CCSER1: variants seen among roughly 807,000 people sequenced by gnomAD.
The protein encoded by CCSER1 is coiled-coil serine rich protein 1, also known as serine-rich coiled-coil domain-containing protein 1.
A neutral mutation model predicts 82.0 loss-of-function variants in CCSER1; 41 were observed. That is an observed-to-expected ratio of 0.50 (90% CI 0.39 to 0.65). The LOEUF (loss-of-function observed/expected upper bound fraction) is 0.65. CCSER1 is among the 30% of genes least tolerant of loss of function. The pLI is 0.00. For missense variants in CCSER1, 1,119 were observed against 1,064.2 expected, an observed-to-expected ratio of 1.05 and a Z score of -0.72; for synonymous variants, 414 against 383.9, an observed-to-expected ratio of 1.08 and a Z score of -0.92.
intron 8 of CCSER1, among the ~76,000 whole-genome samples, chr4:90,863,814 A>G (rs1765391176): frequency 6.6e-6 from 1 of 151,782 alleles, no homozygotes; most frequent in Non-Finnish European, 1.5e-5. Flanking sequence ...GCTTACTCTA[A>G]GTGGCAGCAT....
intron 10 of CCSER1, among the ~76,000 whole-genome samples, chr4:91,500,079 G>C (rs1017521710): frequency 6.6e-6 from 1 of 152,012 alleles, no homozygotes; most frequent in Non-Finnish European, 1.5e-5. Context: ...GTGCCATTTT[G>C]TATTTACACC....
chr4:90,837,574 A>C (rs929967537), intron 8 of CCSER1, among the ~76,000 whole-genome samples: 1 of 152,210 alleles, frequency 6.6e-6, no homozygotes, highest in African/African-American at 2.4e-5. Context: ...GACTGAATAC[A>C]AACAAATAAT....
intron 10 of CCSER1, among the ~76,000 whole-genome samples, chr4:91,105,922 G>A (rs573797344): frequency 6.6e-6 from 1 of 151,630 alleles, no homozygotes; most frequent in South Asian, 2.1e-4. Flanking sequence ...ATGTTTTGCT[G>A]CAGAAACATC....
chr4:90,381,184 A>C (rs772550639), intron 3 of CCSER1, among the ~76,000 whole-genome samples: 1 of 152,246 alleles, frequency 6.6e-6, no homozygotes, highest in Non-Finnish European at 1.5e-5. Context: ...ATCGTGCCCC[A>C]CTACCCACCC....
intron 10 of CCSER1, among the ~76,000 whole-genome samples, chr4:91,467,880 A>AG (rs1757017249): frequency 6.6e-6 from 1 of 152,214 alleles, no homozygotes; most frequent in Non-Finnish European, 1.5e-5. Context: ...GTGGAGAAAT[A>AG]GGAATGCTTT....
chr4:91,592,351 G>A (rs923096146), intron 10 of CCSER1, among the ~76,000 whole-genome samples: 17 of 152,084 alleles, frequency 1.1e-4, no homozygotes, highest in Admixed American at 2.6e-4. Flanking sequence ...CATGACATGT[G>A]GGGATTACGG....
chr4:90,659,731 A>G (rs1395531491), intron 6 of CCSER1, among the ~76,000 whole-genome samples: 1 of 152,102 alleles, frequency 6.6e-6, no homozygotes, highest in Non-Finnish European at 1.5e-5. Flanking sequence ...AAACTTTTAA[A>G]AAGCTGCCTG....
intron 10 of CCSER1, among the ~76,000 whole-genome samples, chr4:91,417,610 A>C (rs759929846): frequency 3.9e-5 from 6 of 152,088 alleles, no homozygotes; most frequent in Admixed American, 6.6e-5. Context: ...CAAACACTGC[A>C]TGTTTTTACT....
chr4:90,682,624 C>T (rs1734092106), intron 6 of CCSER1, among the ~76,000 whole-genome samples: 1 of 151,864 alleles, frequency 6.6e-6, no homozygotes, highest in Non-Finnish European at 1.5e-5. Context: ...TCTCATAACT[C>T]CACTAACCAA....
chr4:90,485,776 C>A (rs1200888162), intron 5 of CCSER1, among the ~76,000 whole-genome samples: 1 of 152,072 alleles, frequency 6.6e-6, no homozygotes, highest in Non-Finnish European at 1.5e-5. Flanking sequence ...TTAGTTCCCA[C>A]TTGTAAGGGA....
At chr4:90,175,138 CTG>C (rs1248409437) in intron 1 of CCSER1, among the ~76,000 whole-genome samples, 1 of 151,932 alleles carries the variant, frequency 6.6e-6, no homozygotes, top group Non-Finnish European at 1.5e-5. Flanking sequence ...GGTAAATAAA[CTG>C]TGGTATGTCC....
At chr4:91,400,020 C>T (rs1384278465) in intron 10 of CCSER1, among the ~76,000 whole-genome samples, 2 of 151,976 alleles carry the variant, frequency 1.3e-5, no homozygotes, top group South Asian at 2.1e-4. Context: ...GACTTGAGCA[C>T]AACAAATTAT....
intron 3 of CCSER1, among the ~76,000 whole-genome samples, chr4:90,327,560 G>A (rs1738448100): frequency 6.6e-6 from 1 of 152,142 alleles, no homozygotes; most frequent in Non-Finnish European, 1.5e-5. Context: ...AAGGCAAACA[G>A]TCGTGACACT....
chr4:90,166,169 A>G (rs1730415652), intron 1 of CCSER1, among the ~76,000 whole-genome samples: 1 of 152,026 alleles, frequency 6.6e-6, no homozygotes, highest in Admixed American at 6.6e-5. Flanking sequence ...GAGCTATTCA[A>G]ACGTTACTAT....
chr4:90,844,084 C>A (rs1196069354), intron 8 of CCSER1, among the ~76,000 whole-genome samples: 9 of 151,446 alleles, frequency 5.9e-5, no homozygotes, highest in African/African-American at 1.9e-4. Context: ...CCATTCAAAT[C>A]TCCTTCCTCT....
chr4:91,533,546 A>T (rs1191700259), intron 10 of CCSER1, among the ~76,000 whole-genome samples: 1 of 152,150 alleles, frequency 6.6e-6, no homozygotes, highest in Non-Finnish European at 1.5e-5. Flanking sequence ...GAAGACAAAT[A>T]GCTCTTTCTC....
intron 8 of CCSER1, among the ~76,000 whole-genome samples, chr4:90,844,796 G>A (rs551932498): frequency 6.6e-6 from 1 of 152,252 alleles, no homozygotes; most frequent in African/African-American, 2.4e-5. Context: ...GTAAGTGACA[G>A]AAGACAGAGG....
chr4:91,283,887 A>G (rs1743093080), intron 10 of CCSER1, among the ~76,000 whole-genome samples: 1 of 152,106 alleles, frequency 6.6e-6, no homozygotes, highest in Admixed American at 6.6e-5. Context: ...TGTGTTGTAA[A>G]CATGACTGTG....
chr4:90,278,695 G>A (rs1251187656), intron 1 of CCSER1, among the ~76,000 whole-genome samples: 1 of 151,624 alleles, frequency 6.6e-6, no homozygotes, highest in East Asian at 1.9e-4. Flanking sequence ...GATGGAAGGG[G>A]GCAAGGGCTG....
Sources: gnomAD v4.1 joint callset for allele counts (sites outside exome capture counted in the v4.1 genomes callset) on GRCh38, gnomAD v4.1.1 for gene constraint, MANE v1.5 for transcripts, NCBI Gene and HGNC (gene_info 2026-07-23, HGNC 2026-07-21) for gene names.